Variants in EFCAB6 observed in about 807,000 individuals in gnomAD.
The protein encoded by EFCAB6 is EF-hand calcium binding domain 6.
A neutral mutation model predicts 169.8 loss-of-function variants in EFCAB6; 156 were observed. The ratio of observed to expected loss-of-function variants is 0.92; its 90% CI spans 0.81 to 1.05. The LOEUF (loss-of-function observed/expected upper bound fraction) is 1.05, where lower values mean the gene tolerates loss of function less well. Among genes scored for constraint, EFCAB6 ranks in the 50% least tolerant of loss-of-function variants. EFCAB6 has a pLI of 0.00. For missense variants in EFCAB6, 1,800 were observed against 1,829.1 expected, an observed-to-expected ratio of 0.98 and a Z score of 0.29; for synonymous variants, 698 against 676.4, an observed-to-expected ratio of 1.03 and a Z score of -0.50.
chr22:43,684,520 T>G (rs1423849495), intron 11 of EFCAB6, among the ~76,000 whole-genome samples: 1 of 152,194 alleles, frequency 6.6e-6, no homozygotes, highest in African/African-American at 2.4e-5. Flanking sequence ...GGTGCTTCTC[T>G]TTTCTGATGT....
chr22:43,553,799 C>G (rs1310483942), intron 27 of EFCAB6: 1 of 152,414 alleles, frequency 6.6e-6, no homozygotes, highest in African/African-American at 2.4e-5. Flanking sequence ...GTTGTCGGAG[C>G]CTTTGAGCCA....
rs1392680755 is a variant in EFCAB6 at position 43,635,116 on chromosome 22, G to A, written c.2084C>T (p.Ala695Val). 1 of 1,614,048 alleles carries A rather than the reference G, an allele frequency of 6.2e-7. No individual in the cohort carries two copies. Among genetic ancestry groups the A allele is most frequent in the Non-Finnish European group, 8.5e-7 (1 of 1,179,954 alleles). The change falls in exon 18 of 32, where the codon GCA becomes GTA. Residue 695 changes from alanine to valine, a missense_variant. Coordinates refer to ENST00000262726, the MANE Select transcript of EFCAB6 (RefSeq NM_022785.4). Reference sequence around the variant, plus strand: ...CCATTAGCTACCTTCAAATCCTGCTGCAAAATCAAGATAGCTCATCCCTTC... The same window carrying A: ...CCATTAGCTACCTTCAAATCCTGCTACAAAATCAAGATAGCTCATCCCTTC... Reference protein sequence around the residue: ...EKEGMSYLDFAAGFEDPPMRG... With the variant: ...EKEGMSYLDFVAGFEDPPMRG...
intron 2 of EFCAB6, among the ~76,000 whole-genome samples, chr22:43,799,516 C>T (rs1264792219): frequency 1.3e-5 from 2 of 152,046 alleles, no homozygotes; most frequent in Non-Finnish European, 2.9e-5. Context: ...TGTCAATTTC[C>T]CAGTTTCAAT....
chr22:43,599,038 C>A (rs773233846), intron 23 of EFCAB6, among the ~76,000 whole-genome samples: 2 of 152,170 alleles, frequency 1.3e-5, no homozygotes, highest in Non-Finnish European at 2.9e-5. Context: ...TGGTCCCAGG[C>A]ACCTGCTCCT....
chr22:43,543,400 G>C (rs1444138591), intron 27 of EFCAB6, among the ~76,000 whole-genome samples: 2 of 152,194 alleles, frequency 1.3e-5, no homozygotes, highest in Admixed American at 6.5e-5. Context: ...GCAAGCCCGA[G>C]GTGAGAGAGT....
intron 6 of EFCAB6, among the ~76,000 whole-genome samples, chr22:43,737,014 C>T (rs1033198668): frequency 6.6e-6 from 1 of 152,024 alleles, no homozygotes; most frequent in Non-Finnish European, 1.5e-5. Context: ...TCCTTCCTAA[C>T]CCTCCCATCA....
intron 15 of EFCAB6, among the ~76,000 whole-genome samples, chr22:43,671,730 T>C (rs1011401681): frequency 6.6e-6 from 1 of 152,166 alleles, no homozygotes; most frequent in African/African-American, 2.4e-5. Flanking sequence ...TCTCCAGACC[T>C]CTGTTTCTTT....
intron 10 of EFCAB6, 32 bp from the exon 11 acceptor site, chr22:43,687,613 C>T (rs776124332): frequency 7.9e-6 from 11 of 1,385,690 alleles, no homozygotes; most frequent in South Asian, 5.1e-5. Flanking sequence ...AAAAACATTA[C>T]TTTAAACATT....
chr22:43,531,289 C>T (rs988934550), intron 30 of EFCAB6, among the ~76,000 whole-genome samples: 7 of 152,168 alleles, frequency 4.6e-5, no homozygotes, highest in African/African-American at 1.7e-4. Flanking sequence ...GGTAAAGTGA[C>T]TTGGGCTTTG....
chr22:43,809,826 G>A (rs572475994), intron 1 of EFCAB6, among the ~76,000 whole-genome samples: 11 of 152,240 alleles, frequency 7.2e-5, no homozygotes, highest in South Asian at 6.2e-4. Context: ...GACTGGTCTC[G>A]AACTCCTGAC....
intron 20 of EFCAB6, among the ~76,000 whole-genome samples, chr22:43,623,643 C>A (rs1051898539): frequency 6.6e-6 from 1 of 150,758 alleles, no homozygotes; most frequent in Non-Finnish European, 1.5e-5. Flanking sequence ...CGCCTGTAAT[C>A]CCAGCACTTT....
chr22:43,794,872 T>C (rs1433462121), intron 2 of EFCAB6, among the ~76,000 whole-genome samples: 1 of 152,212 alleles, frequency 6.6e-6, no homozygotes, highest in Non-Finnish European at 1.5e-5. Flanking sequence ...TTTACAAATA[T>C]ATTCCAAATG....
chr22:43,683,984 G>A (rs773298240), intron 11 of EFCAB6, 129 bp from the exon 12 acceptor site: 1 of 672,072 alleles, frequency 1.5e-6, no homozygotes, highest in African/African-American at 1.8e-5. Context: ...TCTTTTTCCT[G>A]ACAGTGTGCT....
intron 17 of EFCAB6, among the ~76,000 whole-genome samples, chr22:43,654,073 T>C (rs2056614368): frequency 6.6e-6 from 1 of 151,554 alleles, no homozygotes; most frequent in Admixed American, 6.6e-5. Context: ...AAACAGAAAA[T>C]ATTTTAAAAT....
intron 24 of EFCAB6, among the ~76,000 whole-genome samples, chr22:43,583,159 C>G (rs746487396): frequency 1.3e-5 from 2 of 152,074 alleles, no homozygotes; most frequent in African/African-American, 2.4e-5. Context: ...TAGCCCCTCC[C>G]TAATTGCTCC....
intron 17 of EFCAB6, among the ~76,000 whole-genome samples, chr22:43,661,004 T>C (rs1474390271): frequency 6.6e-6 from 1 of 152,150 alleles, no homozygotes; most frequent in African/African-American, 2.4e-5. Context: ...AATATAAAGG[T>C]TCCAGATCAC....
At chr22:43,695,216 G>A (rs536615987) in intron 10 of EFCAB6, among the ~76,000 whole-genome samples, 1 of 152,002 alleles carries the variant, frequency 6.6e-6, no homozygotes, top group African/African-American at 2.4e-5. Context: ...GCCATAAATC[G>A]TTGGAAAATG....
intron 26 of EFCAB6, among the ~76,000 whole-genome samples, chr22:43,571,625 G>A (rs1016396978): frequency 2.6e-5 from 4 of 152,152 alleles, no homozygotes; most frequent in African/African-American, 9.7e-5. Flanking sequence ...TGGCTCGCTC[G>A]CTCAGGAGTC....
chr22:43,736,191 T>C (rs2060131085), intron 6 of EFCAB6, among the ~76,000 whole-genome samples, 198 bp from the exon 7 acceptor site: 1 of 152,196 alleles, frequency 6.6e-6, no homozygotes, highest in African/African-American at 2.4e-5. Flanking sequence ...CAAGGCAATT[T>C]TCTCTGTAAA....
Sources: gnomAD v4.1 joint callset for allele counts (sites outside exome capture counted in the v4.1 genomes callset) on GRCh38, gnomAD v4.1.1 for gene constraint, MANE v1.5 for transcripts, NCBI Gene and HGNC (gene_info 2026-07-23, HGNC 2026-07-21) for gene names.